Variants in SLC24A2 observed in about 807,000 individuals in gnomAD.
SLC24A2 encodes the protein solute carrier family 24 member 2, also known as sodium/potassium/calcium exchanger 2.
SLC24A2 carries 36 observed loss-of-function variants against 62.0 expected under a neutral mutation model. The ratio of observed to expected loss-of-function variants is 0.58; its 90% CI spans 0.44 to 0.77. The LOEUF (loss-of-function observed/expected upper bound fraction) is 0.77, where lower values mean the gene tolerates loss of function less well. SLC24A2 is among the 30% of genes least tolerant of loss of function. The pLI, the probability that SLC24A2 is intolerant of heterozygous loss-of-function variation, is 0.00. For synonymous variants in SLC24A2, 358 were observed against 294.0 expected (o/e 1.22, Z -2.23); for missense variants, 846 against 817.9 (o/e 1.03, Z -0.42).
the SLC24A2 span, among the ~76,000 whole-genome samples, chr9:19,855,267 T>C: frequency 2.0e-5 from 3 of 152,196 alleles, no homozygotes; most frequent in African/African-American, 4.8e-5. Flanking sequence ...TATCTTTTAA[T>C]TGGGGAATTT....
chr9:19,989,948 C>A, the SLC24A2 span, among the ~76,000 whole-genome samples: 2 of 152,204 alleles, frequency 1.3e-5, no homozygotes, highest in East Asian at 3.9e-4. Context: ...CCTAGAATGT[C>A]AGAGAAAAGT....
chr9:20,215,955 A>T, the SLC24A2 span, among the ~76,000 whole-genome samples: 1 of 152,216 alleles, frequency 6.6e-6, no homozygotes, highest in Non-Finnish European at 1.5e-5. Context: ...CAAGTCTGTG[A>T]TGTTCCCAAT....
chr9:20,233,470 C>G, the SLC24A2 span, among the ~76,000 whole-genome samples: 2 of 152,150 alleles, frequency 1.3e-5, no homozygotes, highest in African/African-American at 4.8e-5. Context: ...GATCCCTTTA[C>G]CATTATGTAA....
chr9:20,069,153 T>C, the SLC24A2 span, among the ~76,000 whole-genome samples: 160 of 152,350 alleles, frequency 1.1e-3, 1 homozygote, highest in Middle Eastern at 0.01. Context: ...ACCACCAAAA[T>C]GTTTGATTGA....
intron 2 of SLC24A2, among the ~76,000 whole-genome samples, chr9:19,681,249 A>T (rs1017747675): frequency 3.3e-5 from 5 of 152,048 alleles, no homozygotes; most frequent in African/African-American, 1.2e-4. Context: ...TACACTAGCT[A>T]TCCACATAGA....
the SLC24A2 span, among the ~76,000 whole-genome samples, chr9:20,135,187 A>G: frequency 6.6e-6 from 1 of 152,190 alleles, no homozygotes; most frequent in East Asian, 1.9e-4. Flanking sequence ...AAACTGATTT[A>G]GCAACAATTA....
the SLC24A2 span, among the ~76,000 whole-genome samples, chr9:20,260,925 AGCTCACTG>A: frequency 2.1e-5 from 3 of 140,928 alleles, no homozygotes; most frequent in Admixed American, 2.3e-4. Flanking sequence ...GCGTAATCTC[AGCTCACTG>A]CAACCTCCAC....
chr9:19,923,450 C>A, the SLC24A2 span, among the ~76,000 whole-genome samples: 2 of 152,090 alleles, frequency 1.3e-5, no homozygotes, highest in South Asian at 4.2e-4. Context: ...AGCAGCCACC[C>A]CTGCGCCCTG....
intron 5 of SLC24A2, among the ~76,000 whole-genome samples, chr9:19,594,419 C>G (rs1836646561): frequency 1.3e-5 from 2 of 152,080 alleles, no homozygotes; most frequent in Admixed American, 6.6e-5. Flanking sequence ...TTTTTGGATA[C>G]AGGGTGGTAT....
At chr9:20,205,671 A>AC in the SLC24A2 span, among the ~76,000 whole-genome samples, 85 of 147,206 alleles carry the variant, frequency 5.8e-4, 1 homozygote, top group East Asian at 2.2e-3. Context: ...AAAAAAAAAA[A>AC]AAACAAACAA....
chr9:19,870,518 T>C, the SLC24A2 span, among the ~76,000 whole-genome samples: 1 of 152,184 alleles, frequency 6.6e-6, no homozygotes, highest in Admixed American at 6.5e-5. Context: ...CTCTTGGGTA[T>C]ATACTTAGGA....
At chr9:20,100,047 C>T in the SLC24A2 span, among the ~76,000 whole-genome samples, 1 of 151,816 alleles carries the variant, frequency 6.6e-6, no homozygotes, top group East Asian at 1.9e-4. Flanking sequence ...TAGACAGGGT[C>T]TCATTCTGTC....
chr9:19,530,923 A>C (rs74363178), intron 8 of SLC24A2, among the ~76,000 whole-genome samples: 2 of 152,290 alleles, frequency 1.3e-5, no homozygotes, highest in East Asian at 3.9e-4. Flanking sequence ...CGTGCTCCCA[A>C]TATCTAGATT....
the SLC24A2 span, among the ~76,000 whole-genome samples, chr9:20,057,520 T>C: frequency 6.6e-6 from 1 of 152,210 alleles, no homozygotes; most frequent in Admixed American, 6.5e-5. Context: ...AAACTCCACT[T>C]GCTTACATGG....
chr9:19,963,932 C>T, the SLC24A2 span, among the ~76,000 whole-genome samples: 1,829 of 151,978 alleles, frequency 0.012, 42 homozygotes, highest in African/African-American at 0.041. Flanking sequence ...ATGTTTATAG[C>T]GGCACTATTC....
the SLC24A2 span, among the ~76,000 whole-genome samples, chr9:20,051,569 A>C: frequency 6.6e-6 from 1 of 151,646 alleles, no homozygotes; most frequent in Non-Finnish European, 1.5e-5. Flanking sequence ...ATTGAAATTT[A>C]CTAAAAATTA....
intron 4 of SLC24A2, among the ~76,000 whole-genome samples, chr9:19,598,328 C>T (rs886463359): frequency 7.9e-5 from 12 of 152,210 alleles, no homozygotes; most frequent in African/African-American, 2.9e-4. Context: ...TGCTGGGAAT[C>T]CTCATATGAA....
At chr9:19,794,888 T>A in the SLC24A2 span, among the ~76,000 whole-genome samples, 2 of 151,476 alleles carry the variant, frequency 1.3e-5, no homozygotes, top group Admixed American at 1.3e-4. Context: ...AAAAAAAAAA[T>A]AAAAAATCGT....
chr9:19,837,504 G>T, the SLC24A2 span, among the ~76,000 whole-genome samples: 4 of 112,166 alleles, frequency 3.6e-5, no homozygotes, highest in African/African-American at 1.2e-4. Context: ...AAGAAAACTG[G>T]CACAAGACAG....
Sources: allele counts gnomAD v4.1 joint callset (sites outside exome capture counted in the v4.1 genomes callset), GRCh38; gene constraint gnomAD v4.1.1; transcripts MANE v1.5; gene names NCBI Gene and HGNC (gene_info 2026-07-23, HGNC 2026-07-21).